Variants in PDE1B observed in about 807,000 individuals in gnomAD.
PDE1B encodes phosphodiesterase 1B.
In PDE1B, 13 loss-of-function variants were observed where a neutral mutation model predicts 66.7. The ratio of observed to expected loss-of-function variants is 0.19; its 90% CI spans 0.13 to 0.31. The LOEUF is 0.31. PDE1B is among the 10% of genes least tolerant of loss of function. The pLI, the probability that PDE1B is intolerant of heterozygous loss-of-function variation, is 1.00. For missense variants in PDE1B, 485 were observed against 682.3 expected (o/e 0.71, Z 3.22); for synonymous variants, 230 against 253.9 (o/e 0.91, Z 0.90).
At position 54,550,072 on chromosome 12, in the gene PDE1B, G is replaced by C. The variant is rs937141484; in HGVS notation, c.113+87G>C. ...GGGGGATAACTGGAGCAGGGCTGTGGGCTGGTAGATTCTCTTTGGCACAGA... is the reference window on the plus strand; with the variant it reads ...GGGGGATAACTGGAGCAGGGCTGTGCGCTGGTAGATTCTCTTTGGCACAGA... On this transcript the variant is annotated intron_variant, in intron 2 of 15. Coordinates refer to ENST00000243052, the MANE Select transcript of PDE1B (RefSeq NM_000924.4). 39 of 1,517,110 alleles carry C rather than the reference G, an allele frequency of 2.6e-5. No homozygotes were observed. In the African/African-American group the frequency reaches 4.8e-4, roughly 19 times the overall value. 94.0% of individuals were successfully genotyped at this position (1,517,110 alleles called of 1,614,324 possible).
intron 2 of PDE1B, among the ~76,000 whole-genome samples, chr12:54,551,664 G>T (rs1358990190): frequency 6.6e-6 from 1 of 152,142 alleles, no homozygotes; most frequent in Non-Finnish European, 1.5e-5. Flanking sequence ...GAAAGAGTGG[G>T]TATTACTAGT....
In PDE1B at chr12:54,549,617, G is replaced by GGCGGTA; in HGVS notation, c.-164_-159dup. 1 of 466,302 alleles carries GGCGGTA rather than the reference G, an allele frequency of 2.1e-6. No individual in the cohort carries two copies. 28.9% of individuals were successfully genotyped at this position (466,302 alleles called of 1,614,324 possible). A position where few individuals can be genotyped will look rare whatever the true frequency, so the allele number is the denominator to read the frequency against. ...GGCTCTGGCAGCGCGCGGCGGCGGC[G>GGCGGTA]GCGGTAGCGGCAGCAGCAGCGGCGG... On this transcript the variant is annotated 5_prime_UTR_variant, in exon 1 of 16. Coordinates refer to ENST00000243052, the MANE Select transcript of PDE1B (RefSeq NM_000924.4).
intron 2 of PDE1B, among the ~76,000 whole-genome samples, chr12:54,559,246 T>G: frequency 7.1e-5 from 1 of 14,104 alleles, no homozygotes; most frequent in African/African-American, 2.6e-4. Context: ...CCCCACCCCT[T>G]TACCCCCACC....
chr12:54,573,256 G>A lies in PDE1B; in HGVS notation c.836+8G>A, dbSNP rs1957649999. On this transcript the variant is annotated splice_region_variant and intron_variant, in intron 8 of 15. Coordinates refer to ENST00000243052, the MANE Select transcript of PDE1B (RefSeq NM_000924.4). The surrounding 1 kb of genome is among the most constrained non-coding windows in gnomAD (Gnocchi z 5.2). ...CTTCCACATCCAGACCAAGTGAGGGGTGGGGATGTGGCAGGGGCAGGAGGG... is the reference window on the plus strand; with the variant it reads ...CTTCCACATCCAGACCAAGTGAGGGATGGGGATGTGGCAGGGGCAGGAGGG... 6.2e-7 allele frequency: 1 copy of A among 1,613,384 alleles called. No individual in the cohort carries two copies. Among genetic ancestry groups the A allele is most frequent in the Non-Finnish European group, 8.5e-7 (1 of 1,179,334 alleles).
intron 2 of PDE1B, among the ~76,000 whole-genome samples, chr12:54,560,461 C>T (rs1034547495): frequency 3.3e-5 from 5 of 152,188 alleles, no homozygotes; most frequent in African/African-American, 9.7e-5. Flanking sequence ...ATTGCAGATC[C>T]CTGAACTCTT....
chr12:54,573,865 G>GAA lies in PDE1B; in HGVS notation c.1064+157_1064+158insAA. 1 of 535,272 alleles carries GAA rather than the reference G, an allele frequency of 1.9e-6. No homozygotes were observed. Among genetic ancestry groups the GAA allele is most frequent in the Non-Finnish European group, 3.3e-6 (1 of 299,134 alleles). 33.2% of individuals were successfully genotyped at this position (535,272 alleles called of 1,614,324 possible). A position where few individuals can be genotyped will look rare whatever the true frequency, so the allele number is the denominator to read the frequency against. ...AGACTGCATCTCTATGTGAGAGAGA[G>GAA]AGAGAGTGTGTGTGTGTGTGTGTGT... On this transcript the variant is annotated intron_variant, in intron 10 of 15. Coordinates refer to ENST00000243052, the MANE Select transcript of PDE1B (RefSeq NM_000924.4). The surrounding 1 kb of genome is among the most constrained non-coding windows in gnomAD (Gnocchi z 5.2).
At chr12:54,561,641 G>C (rs1565694879) in intron 2 of PDE1B, 2 of 1,533,330 alleles carry the variant, frequency 1.3e-6, no homozygotes, top group South Asian at 1.2e-5. Flanking sequence ...TTCTCAGGTA[G>C]GTGCCAGGGA....
Position 54,569,095 on chromosome 12 carries a change from C to T in PDE1B, c.228-89C>T, listed in dbSNP as rs754387101. The T allele has an allele frequency of 1.3e-6, 2 of 1,487,646 alleles. No individual in the cohort carries two copies. Among genetic ancestry groups the T allele is most frequent in the South Asian group, 1.5e-5 (1 of 68,034 alleles). The allele number at this position is 1,487,646 out of a possible 1,614,324, so 92.2% of individuals were successfully genotyped here. A position where few individuals can be genotyped will look rare whatever the true frequency, so the allele number is the denominator to read the frequency against. ...AGACAGAGAGCTGGCATGAGAGTTACTAAATGTGGGGTATGGCTGGGTACA... is the reference window on the plus strand; with the variant it reads ...AGACAGAGAGCTGGCATGAGAGTTATTAAATGTGGGGTATGGCTGGGTACA... On this transcript the variant is annotated intron_variant, in intron 3 of 15. Transcript: ENST00000243052. This position sits in a 1 kb window ranked among gnomAD's most constrained non-coding sequence, Gnocchi z 4.4.
chr12:54,557,937 T>C (rs976271306), intron 2 of PDE1B, among the ~76,000 whole-genome samples: 4 of 151,784 alleles, frequency 2.6e-5, no homozygotes, highest in Admixed American at 6.6e-5. Flanking sequence ...TCCCAATTCC[T>C]CTCTCTCTCA....
intron 2 of PDE1B, among the ~76,000 whole-genome samples, chr12:54,558,928 C>G (rs1957372567): frequency 6.6e-6 from 1 of 152,166 alleles, no homozygotes; most frequent in South Asian, 2.1e-4. Context: ...CTCATTAGGT[C>G]CTTGTGAAAA....
chr12:54,561,359 C>T (rs949782181), intron 2 of PDE1B: 4 of 724,892 alleles, frequency 5.5e-6, no homozygotes, highest in African/African-American at 1.8e-5. Context: ...AAACTTTTCC[C>T]GCAGCCTCCC....
intron 2 of PDE1B, among the ~76,000 whole-genome samples, chr12:54,563,096 T>C (rs575650630): frequency 6.6e-6 from 1 of 152,374 alleles, no homozygotes; most frequent in South Asian, 2.1e-4. Context: ...TTCCGTTTTA[T>C]TTATTTAATG....
At chr12:54,566,239 G>A (rs926624934) in intron 2 of PDE1B, among the ~76,000 whole-genome samples, 1 of 152,128 alleles carries the variant, frequency 6.6e-6, no homozygotes, top group African/African-American at 2.4e-5. Flanking sequence ...CTTTTATCCT[G>A]GAAGAAGCTT....
chr12:54,563,944 T>C (rs1957468313), intron 2 of PDE1B, among the ~76,000 whole-genome samples: 1 of 152,140 alleles, frequency 6.6e-6, no homozygotes, highest in Non-Finnish European at 1.5e-5. Context: ...CCCAGGAGCT[T>C]GAGGTTACAG....
chr12:54,550,752 A>G (rs1473421175), intron 2 of PDE1B, among the ~76,000 whole-genome samples: 3 of 152,198 alleles, frequency 2.0e-5, no homozygotes, highest in African/African-American at 4.8e-5. Flanking sequence ...ACATTTGGGC[A>G]TCTTTTCCTA....
At chr12:54,561,649 G>T (rs1378427342) in intron 2 of PDE1B, 1 of 1,530,220 alleles carries the variant, frequency 6.5e-7, no homozygotes, top group Non-Finnish European at 8.8e-7. Context: ...TAGGTGCCAG[G>T]GATGAGAAGA....
At position 54,569,010 on chromosome 12, in the gene PDE1B, TA is replaced by T; in HGVS notation, c.228-173del. 9.0e-7 allele frequency: 1 copy of T among 1,109,410 alleles called. No homozygotes were observed. The highest frequency in any genetic ancestry group is 1.2e-6 in the Non-Finnish European group (1 of 822,522). 68.7% of individuals were successfully genotyped at this position (1,109,410 alleles called of 1,614,324 possible). A position where few individuals can be genotyped will look rare whatever the true frequency, so the allele number is the denominator to read the frequency against. ...TACCTCACATGGAGACCTGTTTCAT[TA>T]TTGGAGATGTTAGATAAAGAAATAA... On this transcript the variant is annotated intron_variant, in intron 3 of 15. Transcript: ENST00000243052. This position sits in a 1 kb window ranked among gnomAD's most constrained non-coding sequence, Gnocchi z 4.4.
At position 54,576,056 on chromosome 12, in the gene PDE1B, T is replaced by C; in HGVS notation, c.1332T>C (p.Val444=). ...SVLTDVAEKS[V]QPLADEDSKS... ...TGACTGACGTGGCAGAGAAGAGTGT[T>C]CAGCCCCTGGCGGATGAGGACTCCA... Residue 444 remains valine, a synonymous_variant, in exon 13 of 16, where the codon GTT becomes GTC. Transcript: ENST00000243052. The C allele has an allele frequency of 6.2e-7, 1 of 1,614,016 alleles. No individual in the cohort carries two copies. The highest frequency in any genetic ancestry group is 8.5e-7 in the Non-Finnish European group (1 of 1,179,874).
chr12:54,569,277 G>T lies in PDE1B; in HGVS notation c.321G>T (p.Gln107His). ...ACTGGCTGGCCTCCACCTTCACCCAGCAGGCCCGGGCCAAAGGCCGCCGAG... is the reference window on the plus strand; with the variant it reads ...ACTGGCTGGCCTCCACCTTCACCCATCAGGCCCGGGCCAAAGGCCGCCGAG... ...VRDWLASTFT[Q>H]QARAKGRRAE... The change falls in exon 4 of 16, where the codon CAG (glutamine) becomes CAT (histidine). Residue 107 changes from glutamine to histidine, a missense_variant. By Grantham distance (24) the Gln-to-His change is conservative. Coordinates refer to ENST00000243052, the MANE Select transcript of PDE1B (RefSeq NM_000924.4). This position sits in a 1 kb window ranked among gnomAD's most constrained non-coding sequence, Gnocchi z 4.4. 6.2e-7 allele frequency: 1 copy of T among 1,614,060 alleles called. No individual in the cohort carries two copies. The highest frequency in any genetic ancestry group is 1.1e-5 in the South Asian group (1 of 91,040).
Sources: allele counts gnomAD v4.1 joint callset (sites outside exome capture counted in the v4.1 genomes callset), GRCh38; gene constraint gnomAD v4.1.1; non-coding constraint Gnocchi (gnomAD v3.1); transcripts MANE v1.5; gene names NCBI Gene and HGNC (gene_info 2026-07-23, HGNC 2026-07-21).